Variants in DAB1 observed in about 807,000 individuals in gnomAD.
The protein encoded by DAB1 is disabled homolog 1.
DAB1 carries 15 observed loss-of-function variants against 64.6 expected under a neutral mutation model. That is an observed-to-expected ratio of 0.23 (90% CI 0.16 to 0.36). DAB1 has a LOEUF of 0.36. Ranked by LOEUF, DAB1 falls within the 10% of genes least tolerant of loss-of-function variation. The pLI is 1.00. For synonymous variants in DAB1, 235 were observed against 251.9 expected (o/e 0.93, Z 0.64); for missense variants, 596 against 706.7 (o/e 0.84, Z 1.78).
intron 4 of DAB1, among the ~76,000 whole-genome samples, chr1:58,334,983 G>A (rs1663076358): frequency 6.6e-6 from 1 of 152,136 alleles, no homozygotes; most frequent in Non-Finnish European, 1.5e-5. Flanking sequence ...TGAAGAGTAA[G>A]TGCTTATGGG....
At chr1:57,641,378 G>GTTTTTTTTTTTTTTTTTTTTTT (rs1491296848) in intron 7 of DAB1, among the ~76,000 whole-genome samples, 2 of 109,804 alleles carry the variant, frequency 1.8e-5, no homozygotes, top group African/African-American at 3.3e-5. Flanking sequence ...TTTTTTTGTT[G>GTTTTTTTTTTTTTTTTTTTTTT]GTTTTTTTTT....
At chr1:58,204,376 T>C (rs890261523) in intron 4 of DAB1, among the ~76,000 whole-genome samples, 3 of 152,212 alleles carry the variant, frequency 2.0e-5, no homozygotes, top group African/African-American at 7.2e-5. Flanking sequence ...CTATGCCCCC[T>C]GCATCAAAAC....
At chr1:57,014,653 A>G (rs1294972158) in intron 12 of DAB1, among the ~76,000 whole-genome samples, 1 of 152,236 alleles carries the variant, frequency 6.6e-6, no homozygotes, top group East Asian at 1.9e-4. Context: ...AAAATTTATC[A>G]TTAAGCATTA....
chr1:57,319,015 TGAGG>T, intron 1 of DAB1, among the ~76,000 whole-genome samples: 1 of 152,160 alleles, frequency 6.6e-6, no homozygotes, highest in Non-Finnish European at 1.5e-5. Context: ...CTCTAACCAC[TGAGG>T]GTGAAAGGCC....
intron 9 of DAB1, among the ~76,000 whole-genome samples, chr1:57,037,323 G>C (rs1647202009): frequency 6.6e-6 from 1 of 152,088 alleles, no homozygotes; most frequent in South Asian, 2.1e-4. Flanking sequence ...TCATGTCCTG[G>C]CTGGGCACTG....
intron 2 of DAB1, among the ~76,000 whole-genome samples, chr1:58,515,986 C>T (rs994530902): frequency 1.3e-5 from 2 of 152,184 alleles, no homozygotes; most frequent in African/African-American, 4.8e-5. Context: ...ACCTAATGCC[C>T]TCACTAGATG....
chr1:58,298,052 T>C (rs887167784), intron 4 of DAB1, among the ~76,000 whole-genome samples: 2 of 152,212 alleles, frequency 1.3e-5, no homozygotes, highest in African/African-American at 2.4e-5. Context: ...GAATATTATA[T>C]ATTGACAACA....
At chr1:57,343,169 G>C (rs988215751) in intron 1 of DAB1, among the ~76,000 whole-genome samples, 35 of 152,228 alleles carry the variant, frequency 2.3e-4, no homozygotes, top group Admixed American at 7.8e-4. Flanking sequence ...GCTAGATACA[G>C]AGTGTCCACA....
At chr1:57,797,553 G>C (rs1650929989) in intron 6 of DAB1, among the ~76,000 whole-genome samples, 1 of 152,208 alleles carries the variant, frequency 6.6e-6, no homozygotes. Context: ...CATTTTTAGT[G>C]TTGCATAAAA....
At chr1:57,849,842 T>C (rs976076781) in intron 1 of DAB1, among the ~76,000 whole-genome samples, 1 of 152,256 alleles carries the variant, frequency 6.6e-6, no homozygotes, top group Non-Finnish European at 1.5e-5. Context: ...TGTATGTGTA[T>C]GCACATAATT....
intron 2 of DAB1, among the ~76,000 whole-genome samples, chr1:57,158,913 C>T (rs891863044): frequency 5.9e-5 from 9 of 152,306 alleles, no homozygotes; most frequent in Non-Finnish European, 1.2e-4. Context: ...AAGTGCCTTG[C>T]ATAAAAGGCA....
At chr1:57,058,518 A>G (rs1320381459) in intron 9 of DAB1, among the ~76,000 whole-genome samples, 1 of 152,234 alleles carries the variant, frequency 6.6e-6, no homozygotes, top group Non-Finnish European at 1.5e-5. Flanking sequence ...TGAATATGAT[A>G]TGATTCCTGT....
intron 5 of DAB1, among the ~76,000 whole-genome samples, chr1:58,064,783 G>A (rs1648744431): frequency 6.6e-6 from 1 of 152,018 alleles, no homozygotes; most frequent in Non-Finnish European, 1.5e-5. Context: ...GTGCAGTGGC[G>A]TGATCTCGGC....
intron 7 of DAB1, among the ~76,000 whole-genome samples, chr1:57,603,097 G>A (rs982048644): frequency 2.4e-4 from 36 of 152,164 alleles, no homozygotes; most frequent in Admixed American, 1.6e-3. Context: ...CTCAGCCTAC[G>A]GGGCAGCTAG....
intron 6 of DAB1, among the ~76,000 whole-genome samples, chr1:57,665,802 T>G (rs1331767068): frequency 2.6e-5 from 4 of 151,824 alleles, no homozygotes; most frequent in Admixed American, 2.0e-4. Flanking sequence ...GTGTTGTTTT[T>G]GGGTTACAGG....
intron 4 of DAB1, among the ~76,000 whole-genome samples, chr1:57,107,682 T>C (rs910043844): frequency 1.3e-5 from 2 of 152,154 alleles, no homozygotes; most frequent in Non-Finnish European, 2.9e-5. Flanking sequence ...TAAATGTAGG[T>C]CCAGAAAGCT....
intron 7 of DAB1, among the ~76,000 whole-genome samples, chr1:57,503,899 G>T (rs1644316515): frequency 6.6e-6 from 1 of 152,146 alleles, no homozygotes; most frequent in South Asian, 2.1e-4. Context: ...GTGAAGCCCT[G>T]GGTTGCAGGG....
intron 1 of DAB1, among the ~76,000 whole-genome samples, chr1:57,851,098 TTCG>T (rs1217850029): frequency 6.6e-6 from 1 of 152,228 alleles, no homozygotes; most frequent in Non-Finnish European, 1.5e-5. Flanking sequence ...CCTAGAATTG[TTCG>T]TCAACAGCCC....
chr1:58,544,729 G>A lies in DAB1; in HGVS notation n.32+1974C>T, dbSNP rs114455030. On this transcript the variant is annotated intron_variant and non_coding_transcript_variant, in intron 1 of 20. Coordinates refer to the DAB1 transcript ENST00000485760. The stretch of plus-strand genomic sequence containing the variant: ...GTGCCTCAGTCTCCTCAGTAGCTGG[G>A]ATTACAAGCATGCATTACCACATCT... 4.2e-3 allele frequency among the ~76,000 whole-genome samples: 642 copies of A among 152,240 alleles called. 3 individuals are homozygous for A. The highest frequency in any genetic ancestry group is 0.015 in the African/African-American group (620 of 41,530).
Sources: allele counts gnomAD v4.1 joint callset (sites outside exome capture counted in the v4.1 genomes callset), GRCh38; gene constraint gnomAD v4.1.1; transcripts MANE v1.5; gene names NCBI Gene and HGNC (gene_info 2026-07-23, HGNC 2026-07-21).